TMEM270: variants seen among roughly 807,000 people sequenced by gnomAD.
TMEM270 encodes transmembrane protein 270, also known as Williams-Beuren syndrome chromosome region 28.
In TMEM270, 30 loss-of-function variants were observed where a neutral mutation model predicts 29.9. That is an observed-to-expected ratio of 1.00 (90% CI 0.75 to 1.36). The LOEUF is 1.36. Among genes scored for constraint, TMEM270 ranks in the 40% most tolerant of loss-of-function variants. The pLI, the probability that TMEM270 is intolerant of heterozygous loss-of-function variation, is 0.00. For missense variants in TMEM270, 313 were observed against 307.1 expected, an observed-to-expected ratio of 1.02 and a Z score of -0.14; for synonymous variants, 135 against 139.8, an observed-to-expected ratio of 0.97 and a Z score of 0.24.
chr7:73,861,379 G>A (rs1034725621), intron 1 of TMEM270, 113 bp downstream of exon 1: 3 of 959,268 alleles, frequency 3.1e-6, no homozygotes, highest in Non-Finnish European at 4.7e-6. Flanking sequence ...GGAACGAGGT[G>A]GCTGCCTGCC....
At chr7:73,865,475 G>C (rs548452422) in intron 2 of TMEM270, 54 bp downstream of exon 2, 2 of 1,584,380 alleles carry the variant, frequency 1.3e-6, no homozygotes, top group African/African-American at 1.3e-5. Flanking sequence ...GGGGTACTGG[G>C]TGTGGTCAGG....
chr7:73,862,044 G>A (rs1372926014), intron 1 of TMEM270, among the ~76,000 whole-genome samples: 2 of 150,136 alleles, frequency 1.3e-5, no homozygotes, highest in Admixed American at 6.6e-5. Flanking sequence ...TGATCTGCCC[G>A]CCTCAGCTCC....
intron 1 of TMEM270, among the ~76,000 whole-genome samples, chr7:73,864,114 C>CAA (rs34181696): frequency 0.036 from 2,911 of 80,926 alleles, 222 homozygotes; most frequent in East Asian, 0.052. Flanking sequence ...CCCGCCTCTA[C>CAA]AAAAAAAAAA....
upstream of TMEM270, chr7:73,861,067 G>T (rs1041012469): frequency 3.5e-6 from 3 of 865,804 alleles, no homozygotes; most frequent in Non-Finnish European, 5.8e-6. Context: ...CAGTGGAGCG[G>T]CAGGAGCCAG....
chr7:73,863,660 G>A (rs1431987211), intron 1 of TMEM270, among the ~76,000 whole-genome samples: 1 of 152,156 alleles, frequency 6.6e-6, no homozygotes, highest in Non-Finnish European at 1.5e-5. Flanking sequence ...AGAGTGCTGG[G>A]ATTACAGGTG....
upstream of TMEM270, among the ~76,000 whole-genome samples, chr7:73,860,987 GA>G (rs1788760792): frequency 6.6e-6 from 1 of 152,132 alleles, no homozygotes; most frequent in Admixed American, 6.6e-5. Context: ...AATCCGACCC[GA>G]AGGAAGCTTT....
chr7:73,864,720 T>G (rs1255669636), intron 1 of TMEM270, among the ~76,000 whole-genome samples: 1 of 151,730 alleles, frequency 6.6e-6, no homozygotes, highest in African/African-American at 2.4e-5. Context: ...CTGACCAACA[T>G]GGTGAAACTC....
At position 73,865,713 on chromosome 7, in the gene TMEM270, AC is replaced by A. The variant is rs1554639910; in HGVS notation, c.640del (p.Leu214CysfsTer?). The A allele has an allele frequency of 1.9e-6, 3 of 1,613,886 alleles. No homozygotes were observed. Among genetic ancestry groups the A allele is most frequent in the Non-Finnish European group, 1.7e-6 (2 of 1,179,934 alleles). On this transcript the variant is annotated frameshift_variant, in exon 3 of 3. Coordinates refer to ENST00000320531, the MANE Select transcript of TMEM270 (RefSeq NM_182504.4). LOFTEE classifies it high-confidence loss of function. ...LITWTTCLAS[H>X]LLQAAFEHTT... Reference sequence around the variant, plus strand: ...ACCTGGACCACCTGCCTGGCCTCCCACCTGCTGCAGGCTGCCTTTGAGCACA... The same window carrying A: ...ACCTGGACCACCTGCCTGGCCTCCCACTGCTGCAGGCTGCCTTTGAGCACA...
In TMEM270 at chr7:73,865,411, A is replaced by G. The variant is rs1363145126; in HGVS notation, c.491A>G (p.Gln164Arg). Residue 164 changes from glutamine to arginine, a missense_variant, in exon 2 of 3, where the codon CAG becomes CGG. Physicochemically the swap from Gln to Arg is conservative, Grantham distance 43. Coordinates refer to ENST00000320531, the MANE Select transcript of TMEM270 (RefSeq NM_182504.4). ...TCCCACTGCTTCCGACTGGGCAGGC[A>G]GCTCAGTAAGGTGGGTGGTCTCGGG... ...QKSHCFRLGR[Q>R]LSKALQVNCV... 1 of 1,609,838 alleles carries G rather than the reference A, an allele frequency of 6.2e-7. No homozygotes were observed. The highest frequency in any genetic ancestry group is 1.3e-5 in the African/African-American group (1 of 74,864).
Position 73,861,543 on chromosome 7 carries a change from G to A in TMEM270, c.72+277G>A, listed in dbSNP as rs782460660. On this transcript the variant is annotated intron_variant, in intron 1 of 2. Transcript: ENST00000320531. The stretch of plus-strand genomic sequence containing the variant: ...CAGCTCGTTGCAGCCTCCAACTCCC[G>A]GTCTCAAGCAATCCTCCCCCCTCAG... 1.4e-4 allele frequency: 83 copies of A among 584,706 alleles called. 1 individual carries two copies. Among genetic ancestry groups the A allele is most frequent in the South Asian group, 8.7e-4 (57 of 65,274 alleles). The allele number at this position is 584,706 out of a possible 1,614,324, so 36.2% of individuals were successfully genotyped here.
At chr7:73,862,724 G>A (rs1455487492) in intron 1 of TMEM270, among the ~76,000 whole-genome samples, 3 of 151,624 alleles carry the variant, frequency 2.0e-5, no homozygotes, top group African/African-American at 7.3e-5. Context: ...GCCACGCGTG[G>A]TGGTGCATGC....
intron 1 of TMEM270, 79 bp from the exon 2 acceptor site, chr7:73,864,914 A>T: frequency 7.7e-7 from 1 of 1,298,724 alleles, no homozygotes. Flanking sequence ...AAAAAAAAAA[A>T]AAAGAAAAAG....
Position 73,865,034 on chromosome 7 carries a change from C to G in TMEM270, c.114C>G (p.Leu38=). The G allele has an allele frequency of 6.6e-7, 1 of 1,516,916 alleles. No homozygotes were observed. The highest frequency in any genetic ancestry group is 2.2e-5 in the Admixed American group (1 of 44,476). 94.0% of individuals were successfully genotyped at this position (1,516,916 alleles called of 1,614,324 possible). ...NRDHLYNFLL[L]KINLFNHWVS... ...ATCACCTCTATAATTTCCTGCTCCT[C>G]AAGATCAACCTCTTCAACCACTGGG... Residue 38 remains leucine, a synonymous_variant, in exon 2 of 3, where the codon CTC becomes CTG. Coordinates refer to ENST00000320531, the MANE Select transcript of TMEM270 (RefSeq NM_182504.4).
upstream of TMEM270, among the ~76,000 whole-genome samples, chr7:73,860,887 T>C (rs1170763363): frequency 6.6e-6 from 1 of 152,132 alleles, no homozygotes; most frequent in Non-Finnish European, 1.5e-5. Context: ...CCTCAAGCGA[T>C]CCTCCTACCT....
In TMEM270 at chr7:73,865,698, C is replaced by G. The variant is rs782139170; in HGVS notation, c.623C>G (p.Thr208Ser). 8 of 1,614,098 alleles carry G rather than the reference C, an allele frequency of 5.0e-6. No individual in the cohort carries two copies. The highest frequency in any genetic ancestry group is 6.8e-6 in the Non-Finnish European group (8 of 1,179,992). The change falls in exon 3 of 3, where the codon ACC becomes AGC. Residue 208 changes from threonine (T) to serine (S), a missense_variant. Coordinates refer to ENST00000320531, the MANE Select transcript of TMEM270 (RefSeq NM_182504.4). ...CTGGCCTATCTCATCACCTGGACCA[C>G]CTGCCTGGCCTCCCACCTGCTGCAG... Reference protein sequence around the residue: ...WHLAYLITWTTCLASHLLQAA... With the variant: ...WHLAYLITWTSCLASHLLQAA...
intron 1 of TMEM270, among the ~76,000 whole-genome samples, chr7:73,862,847 G>T (rs1788816770): frequency 7.8e-6 from 1 of 128,754 alleles, no homozygotes; most frequent in Non-Finnish European, 1.5e-5. Context: ...GCAACCCTGG[G>T]CAACAAGAGC....
intron 1 of TMEM270, among the ~76,000 whole-genome samples, chr7:73,864,251 C>A (rs529889305): frequency 6.9e-6 from 1 of 145,916 alleles, no homozygotes; most frequent in African/African-American, 2.6e-5. Context: ...AAGAAGACTC[C>A]ATTTCTTAAA....
upstream of TMEM270, chr7:73,861,070 G>A: frequency 1.1e-6 from 1 of 886,598 alleles, no homozygotes; most frequent in South Asian, 1.4e-5. Context: ...TGGAGCGGCA[G>A]GAGCCAGGTA....
Position 73,865,404 on chromosome 7 carries a change from GGCAGGCA to G in TMEM270, c.487_493del (p.Arg163SerfsTer7), listed in dbSNP as rs782279027. 4 of 1,611,656 alleles carry G rather than the reference GGCAGGCA, an allele frequency of 2.5e-6. No homozygotes were observed. The South Asian group carries it at 4.4e-5, about 18-fold the overall frequency. On this transcript the variant is annotated frameshift_variant, in exon 2 of 3. Coordinates refer to ENST00000320531, the MANE Select transcript of TMEM270 (RefSeq NM_182504.4). LOFTEE classifies it high-confidence loss of function. ...TCAGAAGTCCCACTGCTTCCGACTG[GGCAGGCA>G]GCTCAGTAAGGTGGGTGGTCTCGGG...
Sources: gnomAD v4.1 joint callset for allele counts (sites outside exome capture counted in the v4.1 genomes callset) on GRCh38, gnomAD v4.1.1 for gene constraint, MANE v1.5 for transcripts, NCBI Gene and HGNC (gene_info 2026-07-23, HGNC 2026-07-21) for gene names.